The following SUMF2 variants were observed in gnomAD, a reference collection of about 807,000 sequenced individuals.
The protein encoded by SUMF2 is sulfatase modifying factor 2, also known as inactive C-alpha-formylglycine-generating enzyme 2.
Under a neutral mutation model 44.8 loss-of-function variants are expected in SUMF2, and 45 were observed. The ratio of observed to expected loss-of-function variants is 1.00; its 90% CI spans 0.79 to 1.29. The LOEUF (loss-of-function observed/expected upper bound fraction) is 1.29. SUMF2 is among the 50% of genes most tolerant of loss of function. The pLI is 0.00. For synonymous variants in SUMF2, 148 were observed against 150.4 expected, an observed-to-expected ratio of 0.98 and a Z score of 0.12; for missense variants, 418 against 389.9, an observed-to-expected ratio of 1.07 and a Z score of -0.61.
downstream of SUMF2, chr7:56,083,295 G>T (rs187745069): frequency 6.2e-7 from 1 of 1,613,840 alleles, no homozygotes; most frequent in South Asian, 1.1e-5. Context: ...CCTCTCTCCC[G>T]GCTCCAGCTG....
chr7:56,068,031 CTTTT>C (rs565131237), intron 1 of SUMF2, among the ~76,000 whole-genome samples: 60,690 of 108,926 alleles, frequency 0.56, 14,078 homozygotes, highest in East Asian at 0.6. Flanking sequence ...TTTTTTCTTT[CTTTT>C]TTTTTTTTTT....
chr7:56,079,081 C>G (rs79946174), intron 8 of SUMF2: 41 of 527,746 alleles, frequency 7.8e-5, no homozygotes, highest in African/African-American at 7.3e-4. Flanking sequence ...GCCATGCTGC[C>G]TAGGTTTGTC....
chr7:56,083,260 A>G, downstream of SUMF2: 2 of 1,612,868 alleles, frequency 1.2e-6, no homozygotes, highest in Admixed American at 1.7e-5. Flanking sequence ...GACGTGGGCC[A>G]AGGCCATGTT....
At chr7:56,081,957 A>G (rs757583640), downstream of SUMF2, 73 of 1,613,844 alleles carry the variant, frequency 4.5e-5, no homozygotes, top group Non-Finnish European at 5.9e-5. The surrounding 1 kb of genome is among the most constrained non-coding windows in gnomAD (Gnocchi z 4.6). Context: ...GTTGCCGCTC[A>G]TGATCATCCT....
At position 56,074,628 on chromosome 7, in the gene SUMF2, C is replaced by G. The variant is rs140716660; in HGVS notation, c.427C>G (p.Pro143Ala). The G allele has an allele frequency of 1.2e-6, 2 of 1,614,192 alleles. No individual in the cohort carries two copies. Among genetic ancestry groups the G allele is most frequent in the Non-Finnish European group, 1.7e-6 (2 of 1,180,040 alleles). The change falls in exon 5 of 9, where the codon CCA (proline) becomes GCA (alanine). Residue 143 changes from proline to alanine, a missense_variant. Pro to Ala is a conservative substitution (Grantham distance 27). Transcript: ENST00000434526. ...GSGIRERLEH[P>A]VLHVSWNDAR... The stretch of plus-strand genomic sequence containing the variant: ...TGGCATCCGAGAGAGACTGGAGCAC[C>G]CAGTGTTACACGTGAGCTGGAATGA...
intron 8 of SUMF2, 26 bp downstream of exon 8, chr7:56,078,534 C>T (rs375371205): frequency 5.9e-5 from 90 of 1,522,462 alleles, no homozygotes; most frequent in South Asian, 3.9e-4. Context: ...CCAGGCAACA[C>T]GGGGCCTTGT....
In SUMF2 at chr7:56,078,429, G is replaced by A. The variant is rs560093062; in HGVS notation, c.742G>A (p.Asp248Asn). Residue 248 changes from aspartate (D) to asparagine (N), a missense_variant, in exon 8 of 9, where the codon GAC (aspartate) becomes AAC (asparagine). By Grantham distance (23) the Asp-to-Asn change is conservative (BLOSUM62 1). Coordinates refer to ENST00000434526, the MANE Select transcript of SUMF2 (RefSeq NM_015411.4). ...TASPYQAAEQ[D>N]MRVLRGASWI... Reference sequence around the variant, plus strand: ...ATCACCGTACCAGGCTGCTGAGCAGGACATGCGCGTCCTCCGGGGGGCATC... The same window carrying A: ...ATCACCGTACCAGGCTGCTGAGCAGAACATGCGCGTCCTCCGGGGGGCATC... 6 of 1,611,580 alleles carry A rather than the reference G, an allele frequency of 3.7e-6. No individual in the cohort carries two copies. In the East Asian group the frequency reaches 1.3e-4, roughly 36 times the overall value.
chr7:56,075,772 AAGTT>A (rs1272150764), intron 5 of SUMF2, among the ~76,000 whole-genome samples: 1 of 152,204 alleles, frequency 6.6e-6, no homozygotes, highest in Non-Finnish European at 1.5e-5. Flanking sequence ...ATTACACAAA[AAGTT>A]AGGACAGCAA....
chr7:56,078,970 C>T, intron 8 of SUMF2: 2 of 620,018 alleles, frequency 3.2e-6, no homozygotes, highest in South Asian at 3.8e-5. Flanking sequence ...AGTCTCAGCT[C>T]ACTACAGCCT....
downstream of SUMF2, among the ~76,000 whole-genome samples, chr7:56,082,732 G>A (rs1026628207): frequency 3.3e-5 from 5 of 152,200 alleles, no homozygotes; most frequent in African/African-American, 2.4e-5. Context: ...CCAGCTCATG[G>A]CCCATTGCTT....
chr7:56,065,111 G>C (rs1209894685), intron 1 of SUMF2, among the ~76,000 whole-genome samples: 2 of 142,960 alleles, frequency 1.4e-5, no homozygotes, highest in South Asian at 2.3e-4. Context: ...AGAATGGCGT[G>C]AACCCCGGGG....
In SUMF2 at chr7:56,073,112, G is replaced by T; in HGVS notation, c.339+1G>T. ...AAACAAAGCCACCCAGCCAATGAAGGTGAGAGAACCTGGTCTTGCAGCTGA... is the reference window on the plus strand; with the variant it reads ...AAACAAAGCCACCCAGCCAATGAAGTTGAGAGAACCTGGTCTTGCAGCTGA... On this transcript the variant is annotated splice_donor_variant, in intron 3 of 8. Coordinates refer to ENST00000434526, the MANE Select transcript of SUMF2 (RefSeq NM_015411.4). LOFTEE classifies it high-confidence loss of function. 1 of 1,613,118 alleles carries T rather than the reference G, an allele frequency of 6.2e-7. No homozygotes were observed. Among genetic ancestry groups the T allele is most frequent in the South Asian group, 1.1e-5 (1 of 91,066 alleles).
chr7:56,070,339 T>C (rs1772595995), intron 2 of SUMF2, among the ~76,000 whole-genome samples: 1 of 152,026 alleles, frequency 6.6e-6, no homozygotes, highest in African/African-American at 2.4e-5. Context: ...AGATATGTGA[T>C]GAAGGGCTGG....
chr7:56,081,293 C>A (rs148231327), downstream of SUMF2: 2 of 1,607,982 alleles, frequency 1.2e-6, no homozygotes, highest in Non-Finnish European at 1.7e-6. This position sits in a 1 kb window ranked among gnomAD's most constrained non-coding sequence, Gnocchi z 4.6. Flanking sequence ...ACGGTCAGAG[C>A]GATCACCTGC....
chr7:56,081,031 GCCCT>G (rs1478664616), downstream of SUMF2: 1 of 1,596,198 alleles, frequency 6.3e-7, no homozygotes, highest in East Asian at 2.2e-5. This position sits in a 1 kb window ranked among gnomAD's most constrained non-coding sequence, Gnocchi z 4.6. Flanking sequence ...CTGCCCCCTA[GCCCT>G]CCCTGACTGG....
At chr7:56,077,899 C>A (rs58571234) in intron 6 of SUMF2, among the ~76,000 whole-genome samples, 28,292 of 151,780 alleles carry the variant, frequency 0.19, 2,832 homozygotes, top group African/African-American at 0.24. Context: ...GGGAAACACT[C>A]TTCCTAATCC....
chr7:56,086,400 C>T, the SUMF2 span, among the ~76,000 whole-genome samples: 18 of 152,108 alleles, frequency 1.2e-4, no homozygotes, highest in Admixed American at 5.2e-4. Flanking sequence ...GTGCCAGGCA[C>T]GGTGGCTTAT....
chr7:56,087,072 C>T, the SUMF2 span: 1 of 1,507,232 alleles, frequency 6.6e-7, no homozygotes, highest in East Asian at 2.3e-5. Flanking sequence ...GGAGCCCAGG[C>T]AGGGGCAGCC....
chr7:56,083,249 G>C (rs1487448565), downstream of SUMF2: 1 of 1,609,872 alleles, frequency 6.2e-7, no homozygotes, highest in Non-Finnish European at 8.5e-7. Flanking sequence ...CCCGAGGCCT[G>C]GACGTGGGCC....
Sources: allele counts gnomAD v4.1 joint callset (sites outside exome capture counted in the v4.1 genomes callset), GRCh38; gene constraint gnomAD v4.1.1; non-coding constraint Gnocchi (gnomAD v3.1); transcripts MANE v1.5; gene names NCBI Gene and HGNC (gene_info 2026-07-23, HGNC 2026-07-21).